The following SACS variants were observed in gnomAD, a reference collection of about 807,000 sequenced individuals.
SACS encodes sacsin.
A neutral mutation model predicts 348.0 loss-of-function variants in SACS; 197 were observed. That is an observed-to-expected ratio of 0.57 (90% CI 0.50 to 0.64). The LOEUF (loss-of-function observed/expected upper bound fraction) is 0.64. SACS is among the 30% of genes least tolerant of loss of function. The probability of loss-of-function intolerance (pLI) is 0.00; values close to 1 mark genes in which losing one functional copy is unlikely to be tolerated. For missense variants in SACS, 4,999 were observed against 5,360.8 expected (o/e 0.93, Z 2.11); for synonymous variants, 1,985 against 1,910.6 (o/e 1.04, Z -1.02).
Position 23,354,584 on chromosome 13 carries a change from A to T in SACS, c.2028T>A (p.Phe676Leu). Residue 676 changes from phenylalanine (F) to leucine (L), a missense_variant, in exon 8 of 10, where the codon TTT (phenylalanine) becomes TTA (leucine). By Grantham distance (22) the Phe-to-Leu change is conservative. Transcript: ENST00000382292. Reference protein sequence around the residue: ...LELLPLQNGNFVPFSSSVSDQ... With the variant: ...LELLPLQNGNLVPFSSSVSDQ... The stretch of plus-strand genomic sequence containing the variant: ...CTGATACAGATGAGGAGAAGGGGAC[A>T]AAATTGCCATTTTGTAAAGGGAGCA... The T allele has an allele frequency of 1.2e-6, 2 of 1,614,242 alleles. No individual in the cohort carries two copies. The highest frequency in any genetic ancestry group is 1.7e-6 in the Non-Finnish European group (2 of 1,180,040).
chr13:23,377,737 A>G (rs1328501885), intron 2 of SACS, among the ~76,000 whole-genome samples: 2 of 152,082 alleles, frequency 1.3e-5, no homozygotes, highest in African/African-American at 4.8e-5. Context: ...CAGATACTTC[A>G]AGAGGCATTA....
At position 23,376,502 on chromosome 13, in the gene SACS, G is replaced by C. The variant is rs868693682; in HGVS notation, c.21-1233C>G. On this transcript the variant is annotated intron_variant, in intron 2 of 9. Coordinates refer to ENST00000382292, the MANE Select transcript of SACS (RefSeq NM_014363.6). Reference sequence around the variant, plus strand: ...TGGAACAGAATTAAATTTTAGAGTTGCCCCAAAAAATAGATAATAAATTGC... The same window carrying C: ...TGGAACAGAATTAAATTTTAGAGTTCCCCCAAAAAATAGATAATAAATTGC... 1.3e-5 allele frequency among the ~76,000 whole-genome samples: 2 copies of C among 151,990 alleles called. 1 individual carries two copies. Among genetic ancestry groups the C allele is most frequent in the Middle Eastern group, 6.8e-3 (2 of 294 alleles).
At chr13:23,363,370 G>A (rs1870860915) in intron 6 of SACS, among the ~76,000 whole-genome samples, 1 of 152,018 alleles carries the variant, frequency 6.6e-6, no homozygotes, top group Non-Finnish European at 1.5e-5. Context: ...TGTGATTACA[G>A]GTGCCCGCCA....
intron 6 of SACS, among the ~76,000 whole-genome samples, 182 bp downstream of exon 6, chr13:23,364,984 T>C (rs1356132431): frequency 6.6e-6 from 1 of 152,188 alleles, no homozygotes; most frequent in Admixed American, 6.5e-5. Flanking sequence ...CTTTGTTCTC[T>C]AAAAATACCA....
intron 7 of SACS, among the ~76,000 whole-genome samples, chr13:23,357,875 C>T (rs1744510828): frequency 6.6e-6 from 1 of 152,138 alleles, no homozygotes; most frequent in African/African-American, 2.4e-5. Flanking sequence ...GATACCAGAA[C>T]CACCTCAAAG....
At chr13:23,414,228 C>G (rs570008172) in intron 1 of SACS, among the ~76,000 whole-genome samples, 1 of 152,158 alleles carries the variant, frequency 6.6e-6, no homozygotes, top group Non-Finnish European at 1.5e-5. Flanking sequence ...GGTGTGAACC[C>G]GGAAGGCGGA....
Position 23,338,611 on chromosome 13 carries a change from CTT to C in SACS, c.5263_5264del (p.Lys1755ValfsTer21), listed in dbSNP as rs199474696. ...SNKKLPSDEP[K>X]SSCILQITVE... The stretch of plus-strand genomic sequence containing the variant: ...CTGTGATCTGAAGAATGCAAGATGA[CTT>C]TGGTTCATCACTGGGAAGCTTTTTA... On this transcript the variant is annotated frameshift_variant, in exon 10 of 10. Coordinates refer to ENST00000382292, the MANE Select transcript of SACS (RefSeq NM_014363.6). LOFTEE classifies it high-confidence loss of function. The C allele has an allele frequency of 6.2e-7, 1 of 1,614,146 alleles. No homozygotes were observed. Among genetic ancestry groups the C allele is most frequent in the Admixed American group, 1.7e-5 (1 of 60,022 alleles).
intron 2 of SACS, among the ~76,000 whole-genome samples, chr13:23,406,494 G>A (rs112586054): frequency 1.1e-4 from 16 of 151,730 alleles, no homozygotes; most frequent in Admixed American, 7.9e-4. Context: ...AAACCCACAC[G>A]TTCTGCACAT....
At chr13:23,341,912 G>A (rs1168784080) in intron 9 of SACS, among the ~76,000 whole-genome samples, 3 of 146,002 alleles carry the variant, frequency 2.1e-5, no homozygotes, top group Non-Finnish European at 4.5e-5. Flanking sequence ...TCAGCCTCCC[G>A]AGTAGCTGGG....
intron 1 of SACS, among the ~76,000 whole-genome samples, chr13:23,430,243 A>T (rs1874382079): frequency 6.6e-6 from 1 of 152,088 alleles, no homozygotes. Flanking sequence ...CTAAAGGAAT[A>T]TTTGGTGTAA....
At position 23,379,362 on chromosome 13, in the gene SACS, C is replaced by T. The variant is rs138587502; in HGVS notation, c.21-4093G>A. Among the ~76,000 whole-genome samples the T allele has an allele frequency of 5.1e-3, 771 of 152,304 alleles. 5 individuals carry two copies. Among genetic ancestry groups the T allele is most frequent in the African/African-American group, 0.017 (719 of 41,566 alleles). On this transcript the variant is annotated intron_variant, in intron 2 of 9. Transcript: ENST00000382292. ...GACAAAGAAGCCTGGTGCCTGTGCT[C>T]GGGGACTGCTCACCTCATGGCACAG...
intron 5 of SACS, among the ~76,000 whole-genome samples, chr13:23,368,194 T>C (rs1424715377): frequency 6.6e-6 from 1 of 152,154 alleles, no homozygotes; most frequent in Non-Finnish European, 1.5e-5. Flanking sequence ...GCGCATTTCT[T>C]TGCCCCAGAA....
chr13:23,360,603 A>AAACT (rs527760629), intron 6 of SACS, among the ~76,000 whole-genome samples: 105 of 152,296 alleles, frequency 6.9e-4, no homozygotes, highest in African/African-American at 2.5e-3. Flanking sequence ...GTCAACTGGA[A>AAACT]AACTGGACAG....
chr13:23,362,497 A>G (rs1870799527), intron 6 of SACS, among the ~76,000 whole-genome samples: 1 of 152,130 alleles, frequency 6.6e-6, no homozygotes, highest in African/African-American at 2.4e-5. Context: ...TCTCAAATAC[A>G]CAAGAGCCTG....
At chr13:23,405,254 C>T (rs113668173) in intron 2 of SACS, among the ~76,000 whole-genome samples, 72 of 152,182 alleles carry the variant, frequency 4.7e-4, no homozygotes, top group African/African-American at 1.6e-3. Flanking sequence ...AGAAATAATG[C>T]CACACATCTA....
At chr13:23,430,649 AG>A (rs1874398912) in intron 1 of SACS, among the ~76,000 whole-genome samples, 1 of 152,198 alleles carries the variant, frequency 6.6e-6, no homozygotes, top group Non-Finnish European at 1.5e-5. Context: ...TACTTTAATG[AG>A]GTAAGGATTT....
chr13:23,409,040 C>CTTTTTTTGTTTTTTTTTTTTTT (rs1873360300), intron 2 of SACS, among the ~76,000 whole-genome samples: 1 of 35,122 alleles, frequency 2.8e-5, no homozygotes, highest in Admixed American at 6.0e-4. Flanking sequence ...ACAAGTTTTA[C>CTTTTTTTGTTTTTTTTTTTTTT]TTTTTTTTTT....
At chr13:23,395,405 G>A (rs553978598) in intron 2 of SACS, among the ~76,000 whole-genome samples, 6 of 152,120 alleles carry the variant, frequency 3.9e-5, no homozygotes, top group Admixed American at 1.3e-4. Flanking sequence ...TTCCCCAAAC[G>A]GGCACCTTTA....
chr13:23,388,878 T>C (rs976998589), intron 2 of SACS, among the ~76,000 whole-genome samples: 6 of 151,954 alleles, frequency 3.9e-5, no homozygotes, highest in African/African-American at 1.4e-4. Flanking sequence ...CCTAAAACTA[T>C]TAAAAATAAA....
Sources: allele counts gnomAD v4.1 joint callset (sites outside exome capture counted in the v4.1 genomes callset), GRCh38; gene constraint gnomAD v4.1.1; transcripts MANE v1.5; gene names NCBI Gene and HGNC (gene_info 2026-07-23, HGNC 2026-07-21).